The following WNK1 variants were observed in gnomAD, a reference collection of about 807,000 sequenced individuals.
WNK1 encodes the protein serine/threonine-protein kinase WNK1.
A neutral mutation model predicts 222.8 loss-of-function variants in WNK1; 38 were observed. The observed-to-expected ratio is 0.17, with a 90% CI of 0.13 to 0.22. WNK1 has a LOEUF of 0.22. Ranked by LOEUF, WNK1 falls within the 10% of genes least tolerant of loss-of-function variation. The pLI is 1.00. For missense variants in WNK1, 2,348 were observed against 2,918.4 expected (o/e 0.80, Z 4.50); for synonymous variants, 1,090 against 1,092.9 (o/e 1.00, Z 0.05).
Position 862,176 on chromosome 12 carries a change from AACAGGCACATTCT to A in WNK1, c.2055_2067del (p.His685GlnfsTer39). On this transcript the variant is annotated frameshift_variant, in exon 8 of 28. Transcript: ENST00000315939. LOFTEE classifies it high-confidence loss of function. ...ACAGTTTCATATGGTTCCCAACATG[AACAGGCACATTCT>A]ACAGGCACAGTCCCAGGGCATATAC... The A allele has an allele frequency of 6.2e-7, 1 of 1,614,134 alleles. No homozygotes were observed.
rs74744302 is a variant in WNK1, at chr12:860,984, A to G, written c.1621-29A>G. 2,311 of 1,603,354 alleles carry G rather than the reference A, an allele frequency of 1.4e-3. 66 individuals are homozygous for G. In the East Asian group the frequency reaches 0.047, roughly 33 times the overall value. ...GGGTGTTGTTTTCTTTCAATATACT[A>G]CTGCTTAATTTACCCTTTTATTCTG... On this transcript the variant is annotated intron_variant, in intron 6 of 27. Coordinates refer to ENST00000315939, the MANE Select transcript of WNK1 (RefSeq NM_018979.4).
chr12:888,965 G>A (rs577928987), intron 20 of WNK1, among the ~76,000 whole-genome samples, 175 bp from the exon 21 acceptor site: 30 of 152,292 alleles, frequency 2.0e-4, no homozygotes, highest in African/African-American at 6.3e-4. Flanking sequence ...TGAGAAACTG[G>A]CAAAATAATC....
chr12:857,565 A>G (rs1458181516), intron 5 of WNK1, among the ~76,000 whole-genome samples: 4 of 152,266 alleles, frequency 2.6e-5, no homozygotes, highest in South Asian at 2.1e-4. Context: ...TATCTAACAC[A>G]GGAAATCTTT....
chr12:792,103 C>A (rs76312165), intron 1 of WNK1, among the ~76,000 whole-genome samples: 3 of 152,008 alleles, frequency 2.0e-5, no homozygotes, highest in African/African-American at 7.2e-5. Context: ...TACTCCCCTA[C>A]GCTAGCCCCG....
chr12:890,603 C>G, intron 22 of WNK1, 90 bp downstream of exon 22: 1 of 1,335,942 alleles, frequency 7.5e-7, no homozygotes, highest in South Asian at 1.2e-5. Context: ...GACACATTTC[C>G]ACGTATTTGA....
chr12:876,749 C>G (rs1952649753), intron 9 of WNK1, among the ~76,000 whole-genome samples: 1 of 152,016 alleles, frequency 6.6e-6, no homozygotes, highest in Admixed American at 6.5e-5. Flanking sequence ...AGACTGATGC[C>G]ATTTAGAAAT....
intron 1 of WNK1, among the ~76,000 whole-genome samples, chr12:799,867 T>C (rs1945705509): frequency 1.3e-5 from 2 of 152,096 alleles, no homozygotes. Context: ...GTATTTTTAG[T>C]AGAGACGGGG....
chr12:754,297 C>T lies in WNK1; in HGVS notation c.732C>T (p.Thr244=). The stretch of plus-strand genomic sequence containing the variant: ...ACAAAGGTCTGGACACTGAAACCAC[C>T]GTGGAAGTCGCCTGGTGTGAACTGC... ...TVYKGLDTET[T]VEVAWCELQD... is the part of the protein sequence containing the mutation. Residue 244 remains threonine (T), a synonymous_variant, in exon 1 of 28, where the codon ACC becomes ACT. Coordinates refer to ENST00000315939, the MANE Select transcript of WNK1 (RefSeq NM_018979.4). 2 of 1,613,520 alleles carry T rather than the reference C, an allele frequency of 1.2e-6. No homozygotes were observed. The highest frequency in any genetic ancestry group is 1.7e-6 in the Non-Finnish European group (2 of 1,180,030).
chr12:796,883 ATGAAGATG>A (rs375450829), intron 1 of WNK1, among the ~76,000 whole-genome samples: 64,394 of 151,926 alleles, frequency 0.42, 15,240 homozygotes, highest in East Asian at 0.81. Flanking sequence ...GATCAATCTT[ATGAAGATG>A]CAAATCTGAT....
At chr12:871,134 A>G (rs980736293) in intron 8 of WNK1, 131 bp from the exon 9 acceptor site, 52 of 855,646 alleles carry the variant, frequency 6.1e-5, no homozygotes, top group Non-Finnish European at 7.2e-5. Flanking sequence ...CCTCTCCCAT[A>G]CATAATCAGG....
At position 881,728 on chromosome 12, in the gene WNK1, C is replaced by T. The variant is rs1358137494; in HGVS notation, c.3148C>T (p.Pro1050Ser). Residue 1050 changes from proline (P) to serine (S), a missense_variant, in exon 13 of 28, where the codon CCA becomes TCA. By Grantham distance (74) the Pro-to-Ser change is moderately conservative (BLOSUM62 -1). This residue lies in a region of WNK1 where 547 missense variants were observed against 558.3 expected (regional missense o/e 0.98). Transcript: ENST00000315939. Reference protein sequence around the residue: ...QGVSQVAPAEPVAVAQTQATQ... With the variant: ...QGVSQVAPAESVAVAQTQATQ... ...AGTCTCTCAGGTTGCTCCTGCAGAG[C>T]CAGTTGCAGTAGCACAGACCCAAGC... 6.2e-7 allele frequency: 1 copy of T among 1,613,992 alleles called. No individual in the cohort carries two copies. The highest frequency in any genetic ancestry group is 1.3e-5 in the African/African-American group (1 of 74,886).
At chr12:899,735 T>C (rs1955068759) in intron 25 of WNK1, among the ~76,000 whole-genome samples, 1 of 152,222 alleles carries the variant, frequency 6.6e-6, no homozygotes, top group African/African-American at 2.4e-5. Flanking sequence ...TGCTCTGTAG[T>C]GACCTCCATC....
At chr12:766,255 T>C (rs1425704310) in intron 1 of WNK1, among the ~76,000 whole-genome samples, 1 of 152,124 alleles carries the variant, frequency 6.6e-6, no homozygotes, top group African/African-American at 2.4e-5. Flanking sequence ...TAATAAAATA[T>C]ATGTATGTAA....
rs1393074516 is a variant in WNK1, at chr12:827,265, A to G, written c.1153+3A>G. The G allele has an allele frequency of 3.7e-6, 6 of 1,613,202 alleles. No individual in the cohort carries two copies. In the Admixed American group the frequency reaches 6.7e-5, roughly 18 times the overall value. ...TTCTTTTGCCAAGAGTGTGATAGGT[A>G]TGTTTCAGGTGTACCTTGGAGCCTG... On this transcript the variant is annotated splice_donor_region_variant and intron_variant, in intron 3 of 27. Coordinates refer to ENST00000315939, the MANE Select transcript of WNK1 (RefSeq NM_018979.4). The surrounding 1 kb of genome is among the most constrained non-coding windows in gnomAD (Gnocchi z 4.6).
At chr12:832,097 A>G in intron 4 of WNK1, among the ~76,000 whole-genome samples, 1 of 151,952 alleles carries the variant, frequency 6.6e-6, no homozygotes, top group Admixed American at 6.6e-5. Context: ...ATTTTTTGAG[A>G]CGGCGTCTCG....
intron 1 of WNK1, among the ~76,000 whole-genome samples, chr12:767,204 C>G (rs894030593): frequency 1.4e-5 from 2 of 139,926 alleles, no homozygotes; most frequent in Admixed American, 7.3e-5. Flanking sequence ...TTAAAATATT[C>G]CTGTTGTGGC....
intron 8 of WNK1, among the ~76,000 whole-genome samples, chr12:863,105 T>G (rs1951343678): frequency 6.6e-6 from 1 of 152,166 alleles, no homozygotes; most frequent in South Asian, 2.1e-4. Context: ...AATAAGTAAC[T>G]TGTCACTGTA....
At chr12:863,723 T>C (rs1185806478) in intron 8 of WNK1, among the ~76,000 whole-genome samples, 3 of 152,184 alleles carry the variant, frequency 2.0e-5, no homozygotes, top group Admixed American at 2.0e-4. Context: ...CAGTATTCTA[T>C]GGAGGTATTA....
intron 26 of WNK1, chr12:906,800 G>T: frequency 2.1e-6 from 2 of 964,112 alleles, no homozygotes; most frequent in African/African-American, 3.5e-5. Context: ...AGCACTTTGG[G>T]AGGCTGACAT....
Sources: gnomAD v4.1 joint callset for allele counts (sites outside exome capture counted in the v4.1 genomes callset) on GRCh38, gnomAD v4.1.1 for gene constraint, gnomAD v4.1.1 regional missense constraint, Gnocchi (gnomAD v3.1) non-coding constraint, MANE v1.5 for transcripts, NCBI Gene and HGNC (gene_info 2026-07-23, HGNC 2026-07-21) for gene names.